Variants in PDE1A observed in about 807,000 individuals in gnomAD.
PDE1A encodes dual specificity calcium/calmodulin-dependent 3',5'-cyclic nucleotide phosphodiesterase 1A.
PDE1A carries 35 observed loss-of-function variants against 61.7 expected under a neutral mutation model. The ratio of observed to expected loss-of-function variants is 0.57; its 90% CI spans 0.43 to 0.75. The LOEUF (loss-of-function observed/expected upper bound fraction) is 0.75. Ranked by LOEUF, PDE1A falls within the 30% of genes least tolerant of loss-of-function variation. The pLI is 0.00. For missense variants in PDE1A, 597 were observed against 630.6 expected, an observed-to-expected ratio of 0.95 and a Z score of 0.57; for synonymous variants, 232 against 213.2, an observed-to-expected ratio of 1.09 and a Z score of -0.77.
intron 2 of PDE1A, among the ~76,000 whole-genome samples, chr2:182,513,337 T>A (rs1258112693): frequency 6.6e-6 from 1 of 152,110 alleles, no homozygotes; most frequent in Non-Finnish European, 1.5e-5. Context: ...GAATTTCATA[T>A]CCAGCCAAAC....
chr2:182,686,711 T>A, the PDE1A span, among the ~76,000 whole-genome samples: 1 of 152,176 alleles, frequency 6.6e-6, no homozygotes, highest in Admixed American at 6.5e-5. Flanking sequence ...GCACCGAGCA[T>A]GAGCCAAAGC....
At position 182,338,843 on chromosome 2, in the gene PDE1A, G is replaced by T. The variant is rs376057974; in HGVS notation, c.54-74429C>A. Among the ~76,000 whole-genome samples, 5 of 152,196 alleles carry T rather than the reference G, an allele frequency of 3.3e-5. No individual in the cohort carries two copies. In the East Asian group the frequency reaches 7.7e-4, roughly 24 times the overall value. ...AGCCGGTTTTATTTTTAACCAGAAGGCAAGGGCTTGAGATGACAGACAAGT... is the reference window on the plus strand; with the variant it reads ...AGCCGGTTTTATTTTTAACCAGAAGTCAAGGGCTTGAGATGACAGACAAGT... On this transcript the variant is annotated intron_variant, in intron 1 of 13. Transcript: ENST00000351439.
At chr2:182,434,999 G>A (rs755482679) in intron 2 of PDE1A, among the ~76,000 whole-genome samples, 3 of 152,022 alleles carry the variant, frequency 2.0e-5, no homozygotes, top group South Asian at 2.1e-4. Flanking sequence ...ATGTCACAAA[G>A]TAGAAGAAAT....
chr2:182,416,990 G>A (rs929594519), intron 1 of PDE1A, among the ~76,000 whole-genome samples: 8 of 152,114 alleles, frequency 5.3e-5, no homozygotes, highest in Non-Finnish European at 7.4e-5. Flanking sequence ...TCAGTTCATT[G>A]GATTTGTCAG....
At chr2:182,655,382 C>T in the PDE1A span, among the ~76,000 whole-genome samples, 2 of 152,164 alleles carry the variant, frequency 1.3e-5, no homozygotes, top group Non-Finnish European at 2.9e-5. Context: ...AATCTTGAGT[C>T]ATGGGAAGGT....
rs184223142 is a variant in PDE1A at position 182,388,336 on chromosome 2, T to C, written c.53+38242A>G. Among the ~76,000 whole-genome samples the C allele has an allele frequency of 1.1e-4, 17 of 152,294 alleles. No homozygotes were observed. The East Asian group carries it at 3.1e-3, about 28-fold the overall frequency. On this transcript the variant is annotated intron_variant, in intron 1 of 13. Transcript: ENST00000351439. ...AACTGCAATCTAGGCATAACAGATA[T>C]ATACAGAAAACTTCATCCCCCAACT...
chr2:182,607,511 G>A, the PDE1A span, among the ~76,000 whole-genome samples: 1 of 152,152 alleles, frequency 6.6e-6, no homozygotes, highest in Admixed American at 6.5e-5. Context: ...CAAGGCCCAA[G>A]GTCAGAACTG....
At chr2:182,186,486 G>T (rs1247897692) in exon 12 of PDE1A, 1 of 1,612,626 alleles carries the variant, frequency 6.2e-7, no homozygotes, top group Admixed American at 1.7e-5. Flanking sequence ...CACATAGGAA[G>T]AAGTTTCGGC....
At chr2:182,707,759 C>A in the PDE1A span, among the ~76,000 whole-genome samples, 1 of 152,158 alleles carries the variant, frequency 6.6e-6, no homozygotes, top group Non-Finnish European at 1.5e-5. Flanking sequence ...GAAGAGTACA[C>A]TTCCTGACTT....
At chr2:182,704,246 T>G in the PDE1A span, among the ~76,000 whole-genome samples, 5 of 150,918 alleles carry the variant, frequency 3.3e-5, no homozygotes, top group African/African-American at 1.2e-4. Context: ...AAACTCAAGT[T>G]TTTTAAAGCT....
intron 8 of PDE1A, 123 bp from the exon 9 acceptor site, chr2:182,201,912 T>A (rs1171372509): frequency 1.6e-6 from 1 of 637,652 alleles, no homozygotes; most frequent in African/African-American, 1.9e-5. Context: ...CAAAAGATGC[T>A]ACTTTTTAAA....
intron 2 of PDE1A, among the ~76,000 whole-genome samples, chr2:182,457,876 G>C (rs1209656824): frequency 6.6e-6 from 1 of 151,884 alleles, no homozygotes; most frequent in Non-Finnish European, 1.5e-5. Flanking sequence ...TTTAATGAAG[G>C]GATAAATACT....
intron 1 of PDE1A, among the ~76,000 whole-genome samples, chr2:182,415,041 T>G (rs554984528): frequency 2.0e-5 from 3 of 152,252 alleles, no homozygotes; most frequent in Admixed American, 6.5e-5. Context: ...AGATTATTAT[T>G]GAAGTAAACA....
intron 1 of PDE1A, among the ~76,000 whole-genome samples, chr2:182,397,396 C>T (rs1701767219): frequency 6.6e-6 from 1 of 151,918 alleles, no homozygotes; most frequent in Admixed American, 6.6e-5. Flanking sequence ...TTGTAAAACA[C>T]CATTTATATG....
chr2:182,522,207 G>A, intron 2 of PDE1A: 1 of 1,318,436 alleles, frequency 7.6e-7, no homozygotes, highest in South Asian at 1.2e-5. Context: ...AAGGCGGATA[G>A]CACCAACAAT....
At chr2:182,704,047 C>A in the PDE1A span, among the ~76,000 whole-genome samples, 7 of 143,212 alleles carry the variant, frequency 4.9e-5, no homozygotes, top group South Asian at 2.3e-4. Flanking sequence ...CTAAAAATTA[C>A]AAAAAAAAAA....
intron 1 of PDE1A, among the ~76,000 whole-genome samples, chr2:182,396,403 C>G (rs1418788963): frequency 2.0e-5 from 3 of 152,196 alleles, no homozygotes; most frequent in African/African-American, 7.2e-5. Context: ...AATGGTTTGG[C>G]TGGGTGGCCA....
At chr2:182,611,585 A>G in the PDE1A span, among the ~76,000 whole-genome samples, 1 of 152,180 alleles carries the variant, frequency 6.6e-6, no homozygotes, top group Admixed American at 6.6e-5. Flanking sequence ...AAAGTATGCA[A>G]TTTTAACCTT....
At chr2:182,389,699 T>C (rs545054757) in intron 1 of PDE1A, among the ~76,000 whole-genome samples, 209 of 152,310 alleles carry the variant, frequency 1.4e-3, no homozygotes, top group African/African-American at 4.8e-3. Flanking sequence ...TTCCTGGGTG[T>C]GTCTGTGAGG....
Sources: allele counts gnomAD v4.1 joint callset (sites outside exome capture counted in the v4.1 genomes callset), GRCh38; gene constraint gnomAD v4.1.1; transcripts MANE v1.5; gene names NCBI Gene and HGNC (gene_info 2026-07-23, HGNC 2026-07-21).